The following LAP3 variants were observed in gnomAD, a reference collection of about 807,000 sequenced individuals.
LAP3 encodes the protein leucine aminopeptidase 3, also known as cytosol aminopeptidase.
A neutral mutation model predicts 58.8 loss-of-function variants in LAP3; 46 were observed. That is an observed-to-expected ratio of 0.78 (90% CI 0.62 to 1.00). The LOEUF (loss-of-function observed/expected upper bound fraction) is 1.00. LAP3 is among the 50% of genes least tolerant of loss of function. LAP3 has a pLI of 0.00. For missense variants in LAP3, 615 were observed against 659.1 expected (o/e 0.93, Z 0.73); for synonymous variants, 257 against 237.7 (o/e 1.08, Z -0.75).
At chr4:17,580,313 C>T (rs1335546792) in intron 2 of LAP3, among the ~76,000 whole-genome samples, 1 of 147,446 alleles carries the variant, frequency 6.8e-6, no homozygotes, top group Non-Finnish European at 1.5e-5. Flanking sequence ...AGCCACTGTG[C>T]CAGGCCAAGA....
chr4:17,581,814 G>T lies in LAP3; in HGVS notation c.273G>T (p.Gln91His). The T allele has an allele frequency of 6.2e-7, 1 of 1,612,590 alleles. No individual in the cohort carries two copies. The highest frequency in any genetic ancestry group is 1.1e-5 in the South Asian group (1 of 91,022). ...CTCGAACCTTTTATGGTCTGCATCAGGTATGAGAAGAACGTGATCATTTGG... is the reference window on the plus strand; with the variant it reads ...CTCGAACCTTTTATGGTCTGCATCATGTATGAGAAGAACGTGATCATTTGG... The part of the protein sequence containing the change: ...GKTRTFYGLH[Q>H]DFPSVVLVGL... Residue 91 changes from glutamine (Q) to histidine (H), a missense_variant and splice_region_variant, in exon 3 of 13, where the codon CAG (glutamine) becomes CAT (histidine). Physicochemically the swap from Gln to His is conservative, Grantham distance 24. Coordinates refer to ENST00000226299, the MANE Select transcript of LAP3 (RefSeq NM_015907.3).
intron 7 of LAP3, among the ~76,000 whole-genome samples, chr4:17,594,278 A>AC: frequency 6.6e-6 from 1 of 152,342 alleles, no homozygotes; most frequent in South Asian, 2.1e-4. Context: ...TTCAAATACA[A>AC]CAGCGTGTTC....
In LAP3 at chr4:17,577,221, A is replaced by AATGCGGGCGCACACGC; in HGVS notation, c.-230_-229insCATGCGGGCGCACACG. ...GCGCACACGAATGCGGGCGCACACG[A>AATGCGGGCGCACACGC]ATGCGGGCGCACACGAATGCGGGCG... On this transcript the variant is annotated 5_prime_UTR_variant, in exon 1 of 13. It adds an upstream start codon to the 5' untranslated region. Coordinates refer to ENST00000226299, the MANE Select transcript of LAP3 (RefSeq NM_015907.3). The AATGCGGGCGCACACGC allele has an allele frequency of 8.4e-6, 3 of 357,740 alleles. No homozygotes were observed. The highest frequency in any genetic ancestry group is 1.0e-5 in the Non-Finnish European group (2 of 200,032). 22.2% of individuals were successfully genotyped at this position (357,740 alleles called of 1,614,324 possible). A position where few individuals can be genotyped will look rare whatever the true frequency, so the allele number is the denominator to read the frequency against.
rs1325321592 is a variant in LAP3 at position 17,603,445 on chromosome 4, C to G, written c.1181-1143C>G. Among the ~76,000 whole-genome samples, 3 of 151,926 alleles carry G rather than the reference C, an allele frequency of 2.0e-5. No homozygotes were observed. The East Asian group carries it at 5.8e-4, about 29-fold the overall frequency. On this transcript the variant is annotated intron_variant, in intron 10 of 12. Transcript: ENST00000226299. ...GGCTGACATGGGAAGATTGCTTGAG[C>G]CCAGGAGTTCAAGACCAGCCTGAGC... is the stretch of plus-strand genomic sequence containing the variant.
intron 11 of LAP3, among the ~76,000 whole-genome samples, chr4:17,606,463 G>A (rs894518007): frequency 2.0e-5 from 3 of 152,032 alleles, no homozygotes; most frequent in South Asian, 2.1e-4. Flanking sequence ...CTCAGCCTCC[G>A]GAGTAGCTGG....
chr4:17,596,175 A>G (rs902187703), intron 8 of LAP3, among the ~76,000 whole-genome samples: 8 of 152,164 alleles, frequency 5.3e-5, no homozygotes, highest in African/African-American at 1.9e-4. Context: ...TTCCTGAACT[A>G]TTTAAAAGTC....
chr4:17,584,795 T>A (rs767656237), intron 5 of LAP3, 177 bp from the exon 6 acceptor site: 64 of 561,618 alleles, frequency 1.1e-4, no homozygotes, highest in Middle Eastern at 4.8e-4. Context: ...TTCTGCACCA[T>A]ACCATCTGCT....
intron 7 of LAP3, among the ~76,000 whole-genome samples, 171 bp from the exon 8 acceptor site, chr4:17,595,239 C>T (rs1167727394): frequency 3.3e-5 from 5 of 149,434 alleles, no homozygotes; most frequent in Admixed American, 6.8e-5. Flanking sequence ...TGGGTTGCAC[C>T]GTGTTAGCCA....
chr4:17,596,895 C>A, intron 8 of LAP3, 151 bp from the exon 9 acceptor site: 1 of 650,504 alleles, frequency 1.5e-6, no homozygotes, highest in Non-Finnish European at 2.8e-6. Flanking sequence ...CACATCATGT[C>A]AGTTGTGTCA....
chr4:17,594,957 T>C lies in LAP3; in HGVS notation c.864-453T>C, dbSNP rs183349383. Among the ~76,000 whole-genome samples, 797 of 152,188 alleles carry C rather than the reference T, an allele frequency of 5.2e-3. 2 individuals are homozygous for C. The highest frequency in any genetic ancestry group is 9.1e-3 in the Non-Finnish European group (618 of 68,004). On this transcript the variant is annotated intron_variant, in intron 7 of 12. Coordinates refer to ENST00000226299, the MANE Select transcript of LAP3 (RefSeq NM_015907.3). ...TTTGCACAGTCTTGATTTTATGATA[T>C]AGTAATGTTTCCAGTGGCACTGTTT...
At position 17,607,511 on chromosome 4, in the gene LAP3, T is replaced by C. The variant is rs1577227223; in HGVS notation, c.1482T>C (p.Tyr494=). 1 of 1,614,156 alleles carries C rather than the reference T, an allele frequency of 6.2e-7. No homozygotes were observed. Among genetic ancestry groups the C allele is most frequent in the South Asian group, 1.1e-5 (1 of 91,076 alleles). ...GVMTNKDEVP[Y]LRKGMTGRPT... is the part of the protein sequence containing the mutation. Reference sequence around the variant, plus strand: ...TGACCAACAAAGATGAAGTTCCCTATCTACGGAAAGGCATGACTGGGAGGC... The same window carrying C: ...TGACCAACAAAGATGAAGTTCCCTACCTACGGAAAGGCATGACTGGGAGGC... Residue 494 remains tyrosine, a synonymous_variant, in exon 13 of 13, where the codon TAT becomes TAC. Transcript: ENST00000226299.
intron 10 of LAP3, among the ~76,000 whole-genome samples, chr4:17,602,237 T>C (rs1475434096): frequency 3.3e-5 from 5 of 152,200 alleles, no homozygotes; most frequent in African/African-American, 4.8e-5. Context: ...AGCTCCTTTA[T>C]GCCAGGCAGT....
Position 17,588,852 on chromosome 4 carries a change from A to T in LAP3, c.738A>T (p.Gly246=). ...PKSWIEEQAM[G]SFLSVAKGSD... is the part of the protein sequence containing the mutation. ...CTTGGATTGAGGAACAGGCAATGGG[A>T]TCATTCCTCAGTGTGGCCAAAGGAT... Residue 246 remains glycine, a synonymous_variant, in exon 7 of 13, where the codon GGA becomes GGT. Coordinates refer to ENST00000226299, the MANE Select transcript of LAP3 (RefSeq NM_015907.3). 6.2e-7 allele frequency: 1 copy of T among 1,613,086 alleles called. No individual in the cohort carries two copies.
chr4:17,603,820 T>C (rs1313246090), intron 10 of LAP3, among the ~76,000 whole-genome samples: 1 of 87,376 alleles, frequency 1.1e-5, no homozygotes, highest in African/African-American at 3.5e-5. Flanking sequence ...GGCCTTTTTT[T>C]TTTTTCTTTC....
At chr4:17,598,854 A>C (rs1713899752) in intron 10 of LAP3, among the ~76,000 whole-genome samples, 1 of 152,054 alleles carries the variant, frequency 6.6e-6, no homozygotes, top group South Asian at 2.1e-4. Context: ...CTCCTGCCTC[A>C]GCCTCCCAAG....
At chr4:17,589,577 T>C (rs1344910063) in intron 7 of LAP3, among the ~76,000 whole-genome samples, 4 of 152,204 alleles carry the variant, frequency 2.6e-5, no homozygotes. Flanking sequence ...TTCAAAGTCC[T>C]ATAACTAGTA....
chr4:17,600,261 T>C (rs1347822176), intron 10 of LAP3, among the ~76,000 whole-genome samples: 2 of 152,228 alleles, frequency 1.3e-5, no homozygotes, highest in East Asian at 1.9e-4. Context: ...GCAGAAATCA[T>C]GTTCCCTTTT....
chr4:17,593,085 A>G (rs542638334), intron 7 of LAP3, among the ~76,000 whole-genome samples: 3 of 152,376 alleles, frequency 2.0e-5, no homozygotes, highest in African/African-American at 7.2e-5. Context: ...GGCATGAGCC[A>G]TCACACCCAG....
At chr4:17,578,920 T>G (rs766383191) in intron 1 of LAP3, among the ~76,000 whole-genome samples, 62 of 152,296 alleles carry the variant, frequency 4.1e-4, no homozygotes, top group Non-Finnish European at 8.5e-4. Flanking sequence ...TCCTAGAATA[T>G]CTGGGATTTG....
Sources: gnomAD v4.1 joint callset for allele counts (sites outside exome capture counted in the v4.1 genomes callset) on GRCh38, gnomAD v4.1.1 for gene constraint, MANE v1.5 for transcripts, NCBI Gene and HGNC (gene_info 2026-07-23, HGNC 2026-07-21) for gene names.